The following B3GALT1 variants were observed in gnomAD, a reference collection of about 807,000 sequenced individuals.
B3GALT1 encodes beta-1,3-galactosyltransferase 1, also known as UDP-Gal:betaGlcNAc beta 1,3-galactosyltransferase, polypeptide 1.
In B3GALT1, 10 loss-of-function variants were observed where a neutral mutation model predicts 23.2. The ratio of observed to expected loss-of-function variants is 0.43; its 90% confidence interval spans 0.27 to 0.73. B3GALT1 has a LOEUF of 0.73. Among genes scored for constraint, B3GALT1 ranks in the 30% least tolerant of loss-of-function variants. The pLI is 0.21. For missense variants in B3GALT1, 299 were observed against 405.4 expected (o/e 0.74, Z 2.25); for synonymous variants, 156 against 141.5 (o/e 1.10, Z -0.73).
intron 3 of B3GALT1, among the ~76,000 whole-genome samples, chr2:167,701,966 T>G (rs1325014244): frequency 1.3e-5 from 2 of 152,202 alleles, no homozygotes; most frequent in African/African-American, 4.8e-5. Flanking sequence ...AAATTTGGCG[T>G]GTCAGCTACC....
chr2:167,664,485 C>T (rs1022339822), intron 3 of B3GALT1, among the ~76,000 whole-genome samples: 8 of 151,968 alleles, frequency 5.3e-5, no homozygotes, highest in Admixed American at 1.3e-4. Context: ...GTAGTTTTTT[C>T]CAATTCTGTG....
intron 4 of B3GALT1, among the ~76,000 whole-genome samples, chr2:167,842,318 C>A (rs1369595376): frequency 1.3e-5 from 2 of 152,168 alleles, no homozygotes; most frequent in East Asian, 3.8e-4. Flanking sequence ...CTTTTGACTC[C>A]AGCAATTCTT....
chr2:167,314,213 T>C (rs552721065), intron 1 of B3GALT1, among the ~76,000 whole-genome samples: 346 of 152,180 alleles, frequency 2.3e-3, no homozygotes, highest in African/African-American at 8.0e-3. Flanking sequence ...AAAAAAAGTT[T>C]GGGAAAATTC....
intron 4 of B3GALT1, among the ~76,000 whole-genome samples, chr2:167,838,577 C>A (rs1279532604): frequency 1.3e-5 from 2 of 152,408 alleles, no homozygotes; most frequent in Admixed American, 6.5e-5. Flanking sequence ...GAAGGATTCA[C>A]AGCCGAATTC....
chr2:167,690,157 G>A (rs984918891), intron 3 of B3GALT1, among the ~76,000 whole-genome samples: 9 of 151,702 alleles, frequency 5.9e-5, no homozygotes, highest in Non-Finnish European at 1.3e-4. Flanking sequence ...TTTATTACGA[G>A]AGAAAAATGA....
At chr2:167,359,743 G>T (rs1697470077) in intron 1 of B3GALT1, among the ~76,000 whole-genome samples, 1 of 148,596 alleles carries the variant, frequency 6.7e-6, no homozygotes, top group South Asian at 2.2e-4. Context: ...CAGTTTATTG[G>T]TTTATACAGG....
chr2:167,785,115 G>A (rs1253311855), intron 3 of B3GALT1, among the ~76,000 whole-genome samples: 1 of 152,176 alleles, frequency 6.6e-6, no homozygotes. Context: ...TTACCTAAAA[G>A]TAAGACCTAA....
intron 2 of B3GALT1, among the ~76,000 whole-genome samples, chr2:167,582,639 G>A (rs1684508235): frequency 6.6e-6 from 1 of 151,948 alleles, no homozygotes; most frequent in African/African-American, 2.4e-5. Flanking sequence ...GATGGTGTTT[G>A]GTGATGGGGC....
At chr2:167,663,916 G>C (rs1333838943) in intron 3 of B3GALT1, among the ~76,000 whole-genome samples, 1 of 151,406 alleles carries the variant, frequency 6.6e-6, no homozygotes, top group African/African-American at 2.4e-5. Flanking sequence ...TGGGTTGCCT[G>C]TTCACTCTGA....
intron 1 of B3GALT1, among the ~76,000 whole-genome samples, chr2:167,345,080 C>T (rs569047286): frequency 6.6e-6 from 1 of 152,142 alleles, no homozygotes; most frequent in South Asian, 2.1e-4. Context: ...ACTATGTGCC[C>T]ATTACTGCAG....
chr2:167,830,715 C>T (rs1189523039), intron 4 of B3GALT1, among the ~76,000 whole-genome samples: 1 of 152,230 alleles, frequency 6.6e-6, no homozygotes, highest in Admixed American at 6.5e-5. Flanking sequence ...CAAGTGCTTC[C>T]TTAACCCGTG....
At chr2:167,669,849 G>C (rs1047515073) in intron 3 of B3GALT1, among the ~76,000 whole-genome samples, 1 of 152,022 alleles carries the variant, frequency 6.6e-6, no homozygotes, top group Admixed American at 6.6e-5. Flanking sequence ...CAAGAAGCCC[G>C]CCAATTTCTC....
intron 3 of B3GALT1, among the ~76,000 whole-genome samples, chr2:167,722,477 C>A (rs1687249779): frequency 6.6e-6 from 1 of 152,186 alleles, no homozygotes; most frequent in Non-Finnish European, 1.5e-5. Context: ...ATCAGATATT[C>A]AGAAATCTTC....
At chr2:167,398,406 G>A (rs796182626) in intron 1 of B3GALT1, among the ~76,000 whole-genome samples, 16 of 151,642 alleles carry the variant, frequency 1.1e-4, no homozygotes, top group African/African-American at 2.9e-4. Flanking sequence ...TATCTCTACC[G>A]TTTTCTTTAT....
intron 2 of B3GALT1, among the ~76,000 whole-genome samples, chr2:167,609,588 C>A (rs1685024903): frequency 6.6e-6 from 1 of 152,054 alleles, no homozygotes; most frequent in Admixed American, 6.6e-5. Flanking sequence ...TTGTTCAAGT[C>A]AGTAGGAGGT....
chr2:167,845,701 C>T (rs572149638), intron 4 of B3GALT1, among the ~76,000 whole-genome samples: 27 of 151,742 alleles, frequency 1.8e-4, no homozygotes, highest in Middle Eastern at 3.4e-3. Flanking sequence ...TTTAACACCG[C>T]GCCCCCACCC....
intron 3 of B3GALT1, among the ~76,000 whole-genome samples, chr2:167,701,310 G>A (rs1340230869): frequency 6.6e-6 from 1 of 152,072 alleles, no homozygotes; most frequent in Admixed American, 6.5e-5. Context: ...ATGGTGAGGG[G>A]GAGTGAGTTC....
chr2:167,794,677 C>T (rs942683763), intron 3 of B3GALT1, among the ~76,000 whole-genome samples: 1 of 152,192 alleles, frequency 6.6e-6, no homozygotes, highest in African/African-American at 2.4e-5. Flanking sequence ...TGCATTGTCA[C>T]TGTTTTTCTA....
rs547989180 is a variant in B3GALT1, at chr2:167,444,724, A to G, written c.-510-45453A>G. Among the ~76,000 whole-genome samples, 76 of 152,230 alleles carry G rather than the reference A, an allele frequency of 5.0e-4. No individual in the cohort carries two copies. In the South Asian group the frequency reaches 5.8e-3, roughly 12 times the overall value. On this transcript the variant is annotated intron_variant, in intron 1 of 4. Coordinates refer to ENST00000392690, the MANE Select transcript of B3GALT1 (RefSeq NM_020981.4). ...GATTGGTGGTGATAACCCCTTTATC[A>G]TTTTTTATTGCATCTATTTGATTCT... is the stretch of plus-strand genomic sequence containing the variant.
Sources: gnomAD v4.1 joint callset for allele counts (sites outside exome capture counted in the v4.1 genomes callset) on GRCh38, gnomAD v4.1.1 for gene constraint, MANE v1.5 for transcripts, NCBI Gene and HGNC (gene_info 2026-07-23, HGNC 2026-07-21) for gene names.